Variants in LIMA1 observed in about 807,000 individuals in gnomAD.
LIMA1 encodes LIM domain and actin binding 1.
LIMA1 carries 52 observed loss-of-function variants against 62.6 expected under a neutral mutation model. The ratio of observed to expected loss-of-function variants is 0.83; its 90% CI spans 0.67 to 1.05. The LOEUF (loss-of-function observed/expected upper bound fraction) is 1.05. LIMA1 is among the 50% of genes least tolerant of loss of function. LIMA1 has a pLI of 0.00. For missense variants in LIMA1, 780 were observed against 902.2 expected, an observed-to-expected ratio of 0.86 and a Z score of 1.74; for synonymous variants, 302 against 317.8, an observed-to-expected ratio of 0.95 and a Z score of 0.53.
At chr12:50,227,945 C>T (rs530344530) in intron 3 of LIMA1, among the ~76,000 whole-genome samples, 6 of 151,420 alleles carry the variant, frequency 4.0e-5, no homozygotes, top group Admixed American at 6.6e-5. Flanking sequence ...CTGCAAGCTC[C>T]GCCTCCTGGG....
intron 1 of LIMA1, among the ~76,000 whole-genome samples, chr12:50,263,857 GTATATATATATATATATATAA>G (rs1942105341): frequency 6.4e-5 from 8 of 125,676 alleles, no homozygotes; most frequent in Admixed American, 8.6e-5. Flanking sequence ...TATATAGAGA[GTATATATATATATATATATAA>G]AGTATATATA....
intron 4 of LIMA1, among the ~76,000 whole-genome samples, chr12:50,216,198 A>C (rs187349438): frequency 5.8e-4 from 89 of 152,228 alleles, no homozygotes; most frequent in African/African-American, 2.1e-3. Flanking sequence ...CACACTCACT[A>C]AGTGTCACCG....
chr12:50,242,991 G>C (rs1192721040), intron 2 of LIMA1, among the ~76,000 whole-genome samples: 2 of 152,190 alleles, frequency 1.3e-5, no homozygotes, highest in African/African-American at 2.4e-5. Context: ...TCCACCCAAA[G>C]AGTCAACTGT....
chr12:50,204,636 T>C lies in LIMA1; in HGVS notation c.780A>G (p.Pro260=). ...KNESRRNLEL[P]RLSETSIKDR... ...CCTTTATAGAGGTTTCTGAGAGGCG[T>C]GGAAGTTCCAGATTTCGTCTACTCT... The change falls in exon 6 of 11, where the codon CCA becomes CCG. Residue 260 remains proline (P), a synonymous_variant. Coordinates refer to ENST00000341247, the MANE Select transcript of LIMA1 (RefSeq NM_016357.5). The C allele has an allele frequency of 6.2e-7, 1 of 1,614,182 alleles. No homozygotes were observed. Among genetic ancestry groups the C allele is most frequent in the Non-Finnish European group, 8.5e-7 (1 of 1,180,010 alleles).
intron 6 of LIMA1, among the ~76,000 whole-genome samples, chr12:50,203,632 T>C (rs562285266): frequency 6.6e-6 from 1 of 152,164 alleles, no homozygotes; most frequent in Non-Finnish European, 1.5e-5. Flanking sequence ...AAGCTGGTCT[T>C]GAACTCCTGA....
At chr12:50,188,255 A>T (rs940748992) in intron 9 of LIMA1, 5 of 152,176 alleles carry the variant, frequency 3.3e-5, no homozygotes, top group Non-Finnish European at 7.3e-5. Flanking sequence ...GAACAAGTTT[A>T]TTCTTAGCTG....
At chr12:50,258,479 T>C (rs1942025860) in intron 1 of LIMA1, among the ~76,000 whole-genome samples, 1 of 151,918 alleles carries the variant, frequency 6.6e-6, no homozygotes, top group South Asian at 2.1e-4. Flanking sequence ...AATTTTTTTG[T>C]AGAGACAGAG....
chr12:50,283,231 C>A (rs1435416291), intron 1 of LIMA1, among the ~76,000 whole-genome samples, 189 bp downstream of exon 1: 1 of 151,846 alleles, frequency 6.6e-6, no homozygotes, highest in Non-Finnish European at 1.5e-5. Flanking sequence ...CATAAGCACT[C>A]CCCACCCAGC....
At chr12:50,251,403 T>C (rs1034326772) in intron 1 of LIMA1, among the ~76,000 whole-genome samples, 2 of 151,954 alleles carry the variant, frequency 1.3e-5, no homozygotes, top group Non-Finnish European at 2.9e-5. Context: ...GGCAGATCAC[T>C]TGAGGTCAGG....
chr12:50,201,447 T>C (rs1941048755), intron 6 of LIMA1: 1 of 981,394 alleles, frequency 1.0e-6, no homozygotes. Flanking sequence ...AATTCATATA[T>C]TGTACTAAAG....
chr12:50,198,701 C>T (rs1410870165), intron 7 of LIMA1, among the ~76,000 whole-genome samples: 2 of 152,144 alleles, frequency 1.3e-5, no homozygotes, highest in Non-Finnish European at 2.9e-5. Flanking sequence ...AAGATTAAAT[C>T]ACTGTAATAG....
At chr12:50,241,668 C>T (rs1326886284) in intron 2 of LIMA1, among the ~76,000 whole-genome samples, 1 of 152,148 alleles carries the variant, frequency 6.6e-6, no homozygotes, top group Non-Finnish European at 1.5e-5. Flanking sequence ...AAAGGCTCTA[C>T]ACCACCTCTT....
intron 9 of LIMA1, 89 bp from the exon 10 acceptor site, chr12:50,182,126 G>GTCAGTCAATT (rs1940518614): frequency 7.1e-7 from 1 of 1,416,824 alleles, no homozygotes; most frequent in Admixed American, 1.9e-5. Context: ...TTGTCTAAGG[G>GTCAGTCAATT]CTCCCTTAGC....
chr12:50,238,165 A>T (rs1042974034), intron 2 of LIMA1, among the ~76,000 whole-genome samples: 1 of 152,158 alleles, frequency 6.6e-6, no homozygotes, highest in Non-Finnish European at 1.5e-5. Flanking sequence ...TACAACACCA[A>T]AAGCACAGGC....
At chr12:50,197,992 T>C (rs1236614187) in intron 7 of LIMA1, among the ~76,000 whole-genome samples, 1 of 152,192 alleles carries the variant, frequency 6.6e-6, no homozygotes, top group African/African-American at 2.4e-5. Flanking sequence ...ATGTTTGCAA[T>C]TTATGGGGGA....
intron 4 of LIMA1, among the ~76,000 whole-genome samples, chr12:50,221,212 G>A (rs1343421509): frequency 6.6e-6 from 1 of 152,116 alleles, no homozygotes; most frequent in Non-Finnish European, 1.5e-5. Context: ...CATCAGGTCT[G>A]TTTATTTCAT....
chr12:50,220,521 A>T (rs1021910961), intron 4 of LIMA1: 1 of 152,026 alleles, frequency 6.6e-6, no homozygotes, highest in African/African-American at 2.4e-5. Context: ...GTCATTTCCT[A>T]CCTTTGGCCA....
rs140342934 is a variant in LIMA1 at position 50,270,858 on chromosome 12, C to T, written c.-24+12562G>A. On this transcript the variant is annotated intron_variant, in intron 1 of 10. Coordinates refer to ENST00000341247, the MANE Select transcript of LIMA1 (RefSeq NM_016357.5). ...CTGTAATCCCAGCACTTTGGGAGGC[C>T]GAGGTGGGCGGATGACGAGGTCAGG... 4.0e-3 allele frequency among the ~76,000 whole-genome samples: 606 copies of T among 150,030 alleles called. 8 individuals are homozygous for T. Among genetic ancestry groups the T allele is most frequent in the Non-Finnish European group, 3.8e-3 (253 of 67,436 alleles).
chr12:50,249,143 A>G (rs945458198), intron 1 of LIMA1, among the ~76,000 whole-genome samples: 45 of 152,128 alleles, frequency 3.0e-4, no homozygotes, highest in Non-Finnish European at 1.3e-4. Flanking sequence ...GCCAGGTCCA[A>G]ATTAGTTTCT....
Sources: gnomAD v4.1 joint callset for allele counts (sites outside exome capture counted in the v4.1 genomes callset) on GRCh38, gnomAD v4.1.1 for gene constraint, MANE v1.5 for transcripts, NCBI Gene and HGNC (gene_info 2026-07-23, HGNC 2026-07-21) for gene names.